Variants in MYLK observed in about 807,000 individuals in gnomAD.
MYLK encodes myosin light chain kinase.
Under a neutral mutation model 203.4 loss-of-function variants are expected in MYLK, and 106 were observed. The ratio of observed to expected loss-of-function variants is 0.52; its 90% CI spans 0.45 to 0.61. MYLK has a LOEUF of 0.61. MYLK is among the 20% of genes least tolerant of loss of function. MYLK has a pLI of 0.00. For missense variants in MYLK, 2,072 were observed against 2,442.3 expected, an observed-to-expected ratio of 0.85 and a Z score of 3.20; for synonymous variants, 867 against 959.5, an observed-to-expected ratio of 0.90 and a Z score of 1.78.
chr3:123,882,984 A>C (rs1408925838), intron 1 of MYLK, among the ~76,000 whole-genome samples: 1 of 152,182 alleles, frequency 6.6e-6, no homozygotes, highest in African/African-American at 2.4e-5. Flanking sequence ...GAACCTAGTA[A>C]AGTCACCAGA....
At chr3:123,715,427 A>G (rs1216134236) in intron 13 of MYLK, among the ~76,000 whole-genome samples, 1 of 152,202 alleles carries the variant, frequency 6.6e-6, no homozygotes, top group Non-Finnish European at 1.5e-5. Flanking sequence ...TAAATAAAAC[A>G]AGCCAGCTTT....
intron 3 of MYLK, among the ~76,000 whole-genome samples, chr3:123,801,896 T>A (rs1281534447): frequency 6.6e-6 from 1 of 152,190 alleles, no homozygotes; most frequent in Non-Finnish European, 1.5e-5. Flanking sequence ...CATACAGATG[T>A]ATGTGTCCTT....
At chr3:123,725,010 G>A (rs1201975143) in intron 12 of MYLK, among the ~76,000 whole-genome samples, 1 of 152,140 alleles carries the variant, frequency 6.6e-6, no homozygotes, top group Non-Finnish European at 1.5e-5. Flanking sequence ...CTCCCAAAGT[G>A]CGGATTACAG....
Position 123,664,119 on chromosome 3 carries a change from T to C in MYLK, c.3971A>G (p.Asn1324Ser), listed in dbSNP as rs759175384. The change falls in exon 23 of 34, where the codon AAC becomes AGC. Residue 1324 changes from asparagine to serine, a missense_variant. Asn to Ser is a conservative substitution (Grantham distance 46, BLOSUM62 1). Transcript: ENST00000360304. ...ACCAGACTCACCCACGACAGTGAGG[T>C]TGACCTGGGCCTGCCTGCTGCCCAG... ...NKLGSRQAQV[N>S]LTVVDKPDPP... is the part of the protein sequence containing the mutation. 4 of 1,613,992 alleles carry C rather than the reference T, an allele frequency of 2.5e-6. No homozygotes were observed. The highest frequency in any genetic ancestry group is 1.1e-5 in the South Asian group (1 of 91,074).
chr3:123,663,981 T>A, intron 23 of MYLK, 124 bp downstream of exon 23: 2 of 1,386,440 alleles, frequency 1.4e-6, no homozygotes, highest in South Asian at 1.2e-5. Context: ...TGGTGCCTTA[T>A]AAATCAGGCA....
chr3:123,772,968 C>A (rs952508006), intron 4 of MYLK, among the ~76,000 whole-genome samples: 1 of 151,884 alleles, frequency 6.6e-6, no homozygotes, highest in Non-Finnish European at 1.5e-5. Context: ...CTATTTTTAA[C>A]AATTTGGAAA....
intron 18 of MYLK, among the ~76,000 whole-genome samples, chr3:123,697,999 G>A (rs536067041): frequency 1.2e-4 from 18 of 152,274 alleles, no homozygotes; most frequent in African/African-American, 3.4e-4. Context: ...CTCAGGGCAC[G>A]AGAAGACAGT....
At chr3:123,847,891 C>G (rs1302522970) in intron 2 of MYLK, among the ~76,000 whole-genome samples, 1 of 151,960 alleles carries the variant, frequency 6.6e-6, no homozygotes, top group Non-Finnish European at 1.5e-5. Context: ...GTTATACTAT[C>G]ATTATTTTAA....
intron 13 of MYLK, among the ~76,000 whole-genome samples, chr3:123,712,819 T>TA (rs1351395620): frequency 1.3e-5 from 2 of 152,290 alleles, no homozygotes; most frequent in Admixed American, 1.3e-4. Context: ...AGATAATAGG[T>TA]AAAAATACTT....
At chr3:123,699,352 C>G (rs1243621865) in intron 18 of MYLK, among the ~76,000 whole-genome samples, 2 of 152,156 alleles carry the variant, frequency 1.3e-5, no homozygotes, top group African/African-American at 4.8e-5. Context: ...CCCCACCATC[C>G]AAGAATGTGA....
rs41526746 is a variant in MYLK at position 123,832,661 on chromosome 3, C to A, written c.-126-991G>T. The stretch of plus-strand genomic sequence containing the variant: ...CAGCAACCTTATAAAGGGGCTGGAG[C>A]GAACTGGTGAGGCCCTTTTTTGCTC... On this transcript the variant is annotated intron_variant, in intron 2 of 33. Coordinates refer to ENST00000360304, the MANE Select transcript of MYLK (RefSeq NM_053025.4). 6.8e-3 allele frequency among the ~76,000 whole-genome samples: 1,034 copies of A among 152,266 alleles called. 10 individuals carry two copies. Among genetic ancestry groups the A allele is most frequent in the African/African-American group, 0.021 (876 of 41,544 alleles).
intron 2 of MYLK, chr3:123,835,931 A>C (rs1331296326): frequency 6.6e-6 from 1 of 152,254 alleles, no homozygotes. Context: ...CAGAAGGAAG[A>C]AATGCTGCAC....
At chr3:123,733,382 G>A (rs1242913328) in intron 10 of MYLK, among the ~76,000 whole-genome samples, 1 of 152,154 alleles carries the variant, frequency 6.6e-6, no homozygotes, top group Non-Finnish European at 1.5e-5. Flanking sequence ...GAGACCATGA[G>A]GTTTGCTTTT....
At chr3:123,652,432 G>A (rs776196792) in intron 24 of MYLK, among the ~76,000 whole-genome samples, 3 of 152,226 alleles carry the variant, frequency 2.0e-5, no homozygotes, top group Non-Finnish European at 2.9e-5. Flanking sequence ...AGGATCAGCT[G>A]AGTGCTCAGG....
At chr3:123,676,265 TTGGGAGTAAC>T (rs1020886486) in intron 20 of MYLK, among the ~76,000 whole-genome samples, 2 of 152,156 alleles carry the variant, frequency 1.3e-5, no homozygotes, top group Non-Finnish European at 2.9e-5. Context: ...CACATTTTGG[TTGGGAGTAAC>T]TGGGAGTTGG....
At chr3:123,777,873 TTGAC>T (rs979661494) in intron 4 of MYLK, among the ~76,000 whole-genome samples, 13 of 152,206 alleles carry the variant, frequency 8.5e-5, no homozygotes, top group African/African-American at 3.1e-4. Flanking sequence ...AGTTAGGCCT[TTGAC>T]TGCATCTCCT....
At chr3:123,767,972 T>A (rs2063760152) in intron 4 of MYLK, among the ~76,000 whole-genome samples, 1 of 152,188 alleles carries the variant, frequency 6.6e-6, no homozygotes, top group Admixed American at 6.5e-5. Flanking sequence ...ACTCCTACCA[T>A]CACCACTTGG....
At chr3:123,757,642 A>G (rs571979704) in intron 4 of MYLK, among the ~76,000 whole-genome samples, 1 of 152,352 alleles carries the variant, frequency 6.6e-6, no homozygotes, top group South Asian at 2.1e-4. Context: ...AGTGAGCTGA[A>G]GAATCTTTAG....
intron 2 of MYLK, among the ~76,000 whole-genome samples, chr3:123,842,994 T>A (rs1387381318): frequency 6.6e-6 from 1 of 152,224 alleles, no homozygotes; most frequent in African/African-American, 2.4e-5. Flanking sequence ...CCACACACTC[T>A]GATATTTAAG....
Sources: allele counts gnomAD v4.1 joint callset (sites outside exome capture counted in the v4.1 genomes callset), GRCh38; gene constraint gnomAD v4.1.1; transcripts MANE v1.5; gene names NCBI Gene and HGNC (gene_info 2026-07-23, HGNC 2026-07-21).